Variants in KCNK16 observed in about 807,000 individuals in gnomAD.
KCNK16 encodes the protein potassium channel subfamily K member 16.
KCNK16 carries 23 observed loss-of-function variants against 23.0 expected under a neutral mutation model. The observed-to-expected ratio is 1.00, with a 90% CI of 0.72 to 1.41. The LOEUF (loss-of-function observed/expected upper bound fraction) is 1.41. KCNK16 is among the 40% of genes most tolerant of loss of function. The pLI is 0.00. For synonymous variants in KCNK16, 145 were observed against 153.5 expected (o/e 0.94, Z 0.41); for missense variants, 327 against 365.8 (o/e 0.89, Z 0.87).
In KCNK16 at chr6:39,322,584, G is replaced by T; in HGVS notation, c.-44C>A. On this transcript the variant is annotated 5_prime_UTR_variant, in exon 1 of 5. Transcript: ENST00000437525. ...CCAGGGCCGTGGGGCTGGCTATGGG[G>T]GAGAGGTGGGAAACAGGTGAGGAGT... is the stretch of plus-strand genomic sequence containing the variant. 6.5e-7 allele frequency: 1 copy of T among 1,535,968 alleles called. No individual in the cohort carries two copies.
chr6:39,314,799 C>T, downstream of KCNK16: 2 of 565,466 alleles, frequency 3.5e-6, no homozygotes, highest in Middle Eastern at 4.6e-4. Flanking sequence ...ATCTCAAGAC[C>T]ACCTTGGGTC....
intron 3 of KCNK16, 21 bp downstream of exon 3, chr6:39,317,765 T>C: frequency 6.4e-7 from 1 of 1,553,332 alleles, no homozygotes; most frequent in East Asian, 2.3e-5. Context: ...AGCAGGCCTG[T>C]AAGGGAGTTA....
downstream of KCNK16, chr6:39,315,462 A>G: frequency 6.5e-7 from 1 of 1,529,976 alleles, no homozygotes; most frequent in South Asian, 1.2e-5. Context: ...CATGTTCAGG[A>G]AAGTGGGTAG....
intron 1 of KCNK16, among the ~76,000 whole-genome samples, chr6:39,321,024 C>T (rs1333632759): frequency 6.6e-6 from 1 of 152,208 alleles, no homozygotes; most frequent in Non-Finnish European, 1.5e-5. Context: ...CTCACAGCTA[C>T]AGAATGTTGT....
At chr6:39,315,434 G>C, downstream of KCNK16, 1 of 1,548,838 alleles carries the variant, frequency 6.5e-7, no homozygotes, top group Non-Finnish European at 8.7e-7. Flanking sequence ...GGGGTGGCCT[G>C]TGAGGGTCAG....
At position 39,316,898 on chromosome 6, in the gene KCNK16, A is replaced by G. The variant is rs1324625005; in HGVS notation, c.545T>C (p.Val182Ala). 3 of 1,613,554 alleles carry G rather than the reference A, an allele frequency of 1.9e-6. No homozygotes were observed. Among genetic ancestry groups the G allele is most frequent in the African/African-American group, 1.3e-5 (1 of 74,878 alleles). ...GACCATGGGTGGGAAGATGAGAATG[A>G]CCAGCGTCCCCAGGGTCAGGAACAG... ...LALFLTLGTLVILIFPPMVFS... is the reference protein window; with the variant it reads ...LALFLTLGTLAILIFPPMVFS... Residue 182 changes from valine to alanine, a missense_variant, in exon 4 of 5, where the codon GTC (valine) becomes GCC (alanine). Val to Ala is a moderately conservative substitution (Grantham distance 64). Transcript: ENST00000437525.
At chr6:39,316,972 G>T in intron 3 of KCNK16, 25 bp from the exon 4 acceptor site, 1 of 1,595,274 alleles carries the variant, frequency 6.3e-7, no homozygotes, top group Non-Finnish European at 8.5e-7. Context: ...GTTGGCCTCT[G>T]AGTCCACTTG....
At position 39,319,807 on chromosome 6, in the gene KCNK16, CGT is replaced by C. The variant is rs1278580723; in HGVS notation, c.214-676_214-675del. The stretch of plus-strand genomic sequence containing the variant: ...GTTTATATGTGATGTGTTGTATGCA[CGT>C]GTTGTGCATGGCAACTGTATGTTGC... On this transcript the variant is annotated intron_variant, in intron 1 of 4. Coordinates refer to ENST00000437525, the MANE Select transcript of KCNK16 (RefSeq NM_001135106.2). This position sits in a 1 kb window ranked among gnomAD's most constrained non-coding sequence, Gnocchi z 4.2. 6.6e-6 allele frequency among the ~76,000 whole-genome samples: 1 copy of C among 151,524 alleles called. No individual in the cohort carries two copies.
chr6:39,316,926 C>A lies in KCNK16; in HGVS notation c.517G>T (p.Ala173Ser), dbSNP rs555715474. Reference sequence around the variant, plus strand: ...AGCGTCCCCAGGGTCAGGAACAGAGCCAGGCCCAGGACTTGCAGTACCTAG... The same window carrying A: ...AGCGTCCCCAGGGTCAGGAACAGAGACAGGCCCAGGACTTGCAGTACCTAG... ...RSQVLQVLGL[A>S]LFLTLGTLVI... Residue 173 changes from alanine (A) to serine (S), a missense_variant, in exon 4 of 5, where the codon GCT becomes TCT. Coordinates refer to ENST00000437525, the MANE Select transcript of KCNK16 (RefSeq NM_001135106.2). 6.2e-6 allele frequency: 10 copies of A among 1,613,406 alleles called. No homozygotes were observed. The highest frequency in any genetic ancestry group is 1.3e-5 in the African/African-American group (1 of 75,034).
chr6:39,321,893 C>T lies in KCNK16; in HGVS notation c.213+435G>A, dbSNP rs141739174. Among the ~76,000 whole-genome samples, 1,042 of 152,320 alleles carry T rather than the reference C, an allele frequency of 6.8e-3. 11 individuals are homozygous for T. The highest frequency in any genetic ancestry group is 0.023 in the African/African-American group (955 of 41,566). On this transcript the variant is annotated intron_variant, in intron 1 of 4. Coordinates refer to ENST00000437525, the MANE Select transcript of KCNK16 (RefSeq NM_001135106.2). ...GCAGCCGTCTGCCCAGGGATATGAGCTGGGAGAGGGCAGAAGGAGCTGCAG... is the reference window on the plus strand; with the variant it reads ...GCAGCCGTCTGCCCAGGGATATGAGTTGGGAGAGGGCAGAAGGAGCTGCAG...
downstream of KCNK16, chr6:39,315,068 T>C (rs1293313065): frequency 6.2e-7 from 1 of 1,614,106 alleles, no homozygotes; most frequent in Non-Finnish European, 8.5e-7. Context: ...CTCTTGCTGC[T>C]GTAGAGCCTC....
At chr6:39,317,298 G>C (rs536135887) in intron 3 of KCNK16, among the ~76,000 whole-genome samples, 37 of 152,338 alleles carry the variant, frequency 2.4e-4, no homozygotes, top group African/African-American at 8.2e-4. Context: ...CCAAGGGTGG[G>C]CACTGAGGGC....
downstream of KCNK16, chr6:39,315,393 G>A (rs1186540106): frequency 6.4e-7 from 1 of 1,551,388 alleles, no homozygotes; most frequent in East Asian, 2.4e-5. Context: ...TCTTGAGAAG[G>A]CAGGAGCCCA....
Position 39,316,380 on chromosome 6 carries a change from G to C in KCNK16, c.724C>G (p.Leu242Val), listed in dbSNP as rs1471757350. The C allele has an allele frequency of 3.1e-6, 5 of 1,612,874 alleles. No individual in the cohort carries two copies. Among genetic ancestry groups the C allele is most frequent in the East Asian group, 2.2e-5 (1 of 44,860 alleles). The change falls in exon 5 of 5, where the codon CTG becomes GTG. Residue 242 changes from leucine to valine, a missense_variant. Physicochemically the swap from Leu to Val is conservative, Grantham distance 32. Coordinates refer to ENST00000437525, the MANE Select transcript of KCNK16 (RefSeq NM_001135106.2). The part of the protein sequence containing the change: ...YRSLAAIWIL[L>V]GLAWLALILP... The stretch of plus-strand genomic sequence containing the variant: ...ATCAGCGCCAGCCACGCCAGGCCCA[G>C]GAGGATCCAGATGGCTGCCAGGCTC...
intron 4 of KCNK16, 37 bp downstream of exon 4, chr6:39,316,745 C>T (rs760749369): frequency 1.3e-6 from 2 of 1,596,794 alleles, no homozygotes; most frequent in South Asian, 2.3e-5. Context: ...CCAGTGGGCA[C>T]CCCCACCCTG....
Position 39,319,012 on chromosome 6 carries a change from C to A in KCNK16, c.328+7G>T. 6.3e-7 allele frequency: 1 copy of A among 1,594,804 alleles called. No homozygotes were observed. Among genetic ancestry groups the A allele is most frequent in the Non-Finnish European group, 8.6e-7 (1 of 1,162,356 alleles). ...TGGGGAAGCTCTTCTCTACCCCAGC[C>A]CTTTACCTATGGTAGTGACGACTGT... On this transcript the variant is annotated splice_region_variant and intron_variant, in intron 2 of 4. Coordinates refer to ENST00000437525, the MANE Select transcript of KCNK16 (RefSeq NM_001135106.2). This position sits in a 1 kb window ranked among gnomAD's most constrained non-coding sequence, Gnocchi z 4.2.
upstream of KCNK16, chr6:39,322,740 G>T: frequency 1.3e-6 from 1 of 774,728 alleles, no homozygotes; most frequent in Non-Finnish European, 1.9e-6. Context: ...TGCTGTGAGT[G>T]CAAACAGGCC....
At chr6:39,318,640 A>T (rs577510604) in intron 2 of KCNK16, among the ~76,000 whole-genome samples, 5 of 152,238 alleles carry the variant, frequency 3.3e-5, no homozygotes, top group African/African-American at 1.2e-4. Flanking sequence ...TGGCCAAAGG[A>T]GTATGCTTGG....
At chr6:39,320,790 T>C (rs1438043938) in intron 1 of KCNK16, among the ~76,000 whole-genome samples, 1 of 152,126 alleles carries the variant, frequency 6.6e-6, no homozygotes, top group Non-Finnish European at 1.5e-5. Context: ...AGGTTGCAGC[T>C]ACCAACCCTT....
Sources: gnomAD v4.1 joint callset for allele counts (sites outside exome capture counted in the v4.1 genomes callset) on GRCh38, gnomAD v4.1.1 for gene constraint, Gnocchi (gnomAD v3.1) non-coding constraint, MANE v1.5 for transcripts, NCBI Gene and HGNC (gene_info 2026-07-23, HGNC 2026-07-21) for gene names.